Variants in MACROD2 observed in about 807,000 individuals in gnomAD.
The protein encoded by MACROD2 is mono-ADP ribosylhydrolase 2.
A neutral mutation model predicts 70.4 loss-of-function variants in MACROD2; 36 were observed. That is an observed-to-expected ratio of 0.51 (90% CI 0.39 to 0.68). The LOEUF (loss-of-function observed/expected upper bound fraction) is 0.68. Ranked by LOEUF, MACROD2 falls within the 30% of genes least tolerant of loss-of-function variation. The pLI is 0.00. For missense variants in MACROD2, 496 were observed against 538.4 expected (o/e 0.92, Z 0.78); for synonymous variants, 172 against 178.8 (o/e 0.96, Z 0.30).
At chr20:14,831,833 C>T (rs1168530501) in intron 5 of MACROD2, among the ~76,000 whole-genome samples, 1 of 143,452 alleles carries the variant, frequency 7.0e-6, no homozygotes, top group Non-Finnish European at 1.5e-5. Context: ...ATCTGGCACA[C>T]GTTGTCCTGC....
intron 5 of MACROD2, among the ~76,000 whole-genome samples, chr20:14,813,618 G>A (rs1336445472): frequency 6.6e-6 from 1 of 152,012 alleles, no homozygotes; most frequent in Non-Finnish European, 1.5e-5. Flanking sequence ...ATACAAATAA[G>A]GAGCCAGATG....
intron 5 of MACROD2, among the ~76,000 whole-genome samples, chr20:15,151,186 G>T (rs542311157): frequency 6.4e-4 from 97 of 152,146 alleles, no homozygotes; most frequent in African/African-American, 2.3e-3. Context: ...CAGGTGAGTT[G>T]GACAGTCCAA....
chr20:15,509,211 G>C (rs182520629), intron 8 of MACROD2, among the ~76,000 whole-genome samples: 1 of 152,118 alleles, frequency 6.6e-6, no homozygotes, highest in Non-Finnish European at 1.5e-5. Context: ...TATAAAATCA[G>C]TCTTTCAATA....
chr20:15,179,346 A>T (rs1386634133), intron 5 of MACROD2, among the ~76,000 whole-genome samples: 5 of 152,128 alleles, frequency 3.3e-5, no homozygotes, highest in Non-Finnish European at 5.9e-5. Context: ...TTAGTAAATT[A>T]CCATCCAGAT....
At chr20:15,945,043 C>T (rs2065802735) in intron 12 of MACROD2, among the ~76,000 whole-genome samples, 1 of 152,156 alleles carries the variant, frequency 6.6e-6, no homozygotes, top group Non-Finnish European at 1.5e-5. Flanking sequence ...CCTGACTAAG[C>T]TGTGTGATCT....
intron 5 of MACROD2, among the ~76,000 whole-genome samples, chr20:15,058,913 A>G (rs2123073496): frequency 6.6e-6 from 1 of 152,368 alleles, no homozygotes; most frequent in Middle Eastern, 3.4e-3. Context: ...GACCCTTTCT[A>G]CATGTCAGTC....
chr20:15,591,928 A>G (rs1036696680), intron 8 of MACROD2, among the ~76,000 whole-genome samples: 3 of 152,222 alleles, frequency 2.0e-5, no homozygotes, highest in Admixed American at 1.3e-4. Context: ...GCTATGCGTT[A>G]TAAAACACTT....
chr20:16,006,380 T>C (rs1391585943), intron 15 of MACROD2, among the ~76,000 whole-genome samples: 1 of 152,182 alleles, frequency 6.6e-6, no homozygotes, highest in Non-Finnish European at 1.5e-5. Context: ...TATCCTTTGG[T>C]TGTTGGAAAC....
At chr20:14,721,568 T>C (rs2071470477) in intron 5 of MACROD2, among the ~76,000 whole-genome samples, 1 of 152,190 alleles carries the variant, frequency 6.6e-6, no homozygotes, top group Admixed American at 6.5e-5. Context: ...CTATTGTCTA[T>C]TATTTTATTG....
At chr20:15,385,130 C>CA (rs2045696009) in intron 6 of MACROD2, among the ~76,000 whole-genome samples, 1 of 152,086 alleles carries the variant, frequency 6.6e-6, no homozygotes, top group Admixed American at 6.5e-5. Context: ...GTGGGTGGGG[C>CA]AGTGGTATCT....
intron 6 of MACROD2, among the ~76,000 whole-genome samples, chr20:15,396,202 C>T (rs1236625510): frequency 6.6e-6 from 1 of 152,182 alleles, no homozygotes; most frequent in Non-Finnish European, 1.5e-5. Flanking sequence ...ACATAAATTT[C>T]CTCCTGTGAC....
intron 5 of MACROD2, among the ~76,000 whole-genome samples, chr20:14,694,369 C>T (rs1282580129): frequency 6.6e-6 from 1 of 151,958 alleles, no homozygotes; most frequent in African/African-American, 2.4e-5. Context: ...CTTAATTTTT[C>T]CCAGGTCATG....
intron 2 of MACROD2, among the ~76,000 whole-genome samples, chr20:14,022,218 A>C (rs375487803): frequency 3.9e-5 from 6 of 152,162 alleles, no homozygotes; most frequent in African/African-American, 1.4e-4. Context: ...ATTGAGGAGG[A>C]ATGAAAAGAG....
intron 5 of MACROD2, among the ~76,000 whole-genome samples, chr20:15,061,867 C>T (rs2075535482): frequency 6.6e-6 from 1 of 152,182 alleles, no homozygotes; most frequent in Non-Finnish European, 1.5e-5. Flanking sequence ...GGGCCTGTCT[C>T]TCTCTTTCTA....
Position 15,499,959 on chromosome 20 carries a change from C to T in MACROD2, c.645+112C>T. On this transcript the variant is annotated intron_variant, in intron 8 of 17. Transcript: ENST00000684519. ...ATATCAACTACACCTAGTCATTGAG[C>T]CAAACCTAGCTGACCATTCTTCACT... 3 of 929,002 alleles carry T rather than the reference C, an allele frequency of 3.2e-6. No individual in the cohort carries two copies. In the South Asian group the frequency reaches 4.6e-5, roughly 14 times the overall value. The allele number at this position is 929,002 out of a possible 1,614,324, so 57.5% of individuals were successfully genotyped here. A position where few individuals can be genotyped will look rare whatever the true frequency, so the allele number is the denominator to read the frequency against.
At chr20:15,764,381 T>C (rs1401299144) in intron 8 of MACROD2, among the ~76,000 whole-genome samples, 2 of 152,224 alleles carry the variant, frequency 1.3e-5, no homozygotes, top group Non-Finnish European at 1.5e-5. Flanking sequence ...TTGAAATTCA[T>C]AGTTTTCTAC....
chr20:14,899,030 A>G (rs569120511), intron 5 of MACROD2, among the ~76,000 whole-genome samples: 5 of 152,298 alleles, frequency 3.3e-5, no homozygotes, highest in Non-Finnish European at 5.9e-5. Flanking sequence ...CATTGTCAAC[A>G]TGACTAACTC....
At chr20:14,310,316 G>C (rs1013179208) in intron 3 of MACROD2, among the ~76,000 whole-genome samples, 1 of 152,102 alleles carries the variant, frequency 6.6e-6, no homozygotes, top group Admixed American at 6.5e-5. Flanking sequence ...TACACTTAAT[G>C]AACTCCTCAG....
chr20:14,754,840 A>G (rs562958521), intron 5 of MACROD2, among the ~76,000 whole-genome samples: 23 of 142,060 alleles, frequency 1.6e-4, no homozygotes, highest in Non-Finnish European at 3.3e-4. Flanking sequence ...GTGGATTTCC[A>G]TGAACTTAAG....
Sources: gnomAD v4.1 joint callset for allele counts (sites outside exome capture counted in the v4.1 genomes callset) on GRCh38, gnomAD v4.1.1 for gene constraint, MANE v1.5 for transcripts, NCBI Gene and HGNC (gene_info 2026-07-23, HGNC 2026-07-21) for gene names.